MYCBP2: variants seen among roughly 807,000 people sequenced by gnomAD.
MYCBP2 encodes the protein MYC binding protein 2.
In MYCBP2, 120 loss-of-function variants were observed where a neutral mutation model predicts 525.3. The observed-to-expected ratio is 0.23, with a 90% CI of 0.20 to 0.27. The LOEUF is 0.27. Among genes scored for constraint, MYCBP2 ranks in the 10% least tolerant of loss-of-function variants. The pLI is 1.00. For synonymous variants in MYCBP2, 1,894 were observed against 1,955.8 expected (o/e 0.97, Z 0.83); for missense variants, 4,149 against 5,657.1 (o/e 0.73, Z 8.55).
At chr13:77,138,648 A>C (rs903285984) in intron 52 of MYCBP2, among the ~76,000 whole-genome samples, 1 of 152,154 alleles carries the variant, frequency 6.6e-6, no homozygotes, top group Non-Finnish European at 1.5e-5. Context: ...TATACTCAAC[A>C]AGGAGGTACA....
intron 68 of MYCBP2, among the ~76,000 whole-genome samples, chr13:77,073,999 A>ACCCC (rs1555308432): frequency 6.5e-5 from 6 of 91,698 alleles, no homozygotes; most frequent in African/African-American, 2.3e-4. Context: ...TTCCATCCCC[A>ACCCC]CCGCCCCCCC....
rs1194864541 is a variant in MYCBP2, at chr13:77,185,356, T to C, written c.4466A>G (p.Glu1489Gly). The C allele has an allele frequency of 3.1e-6, 5 of 1,612,074 alleles. No homozygotes were observed. The highest frequency in any genetic ancestry group is 4.2e-6 in the Non-Finnish European group (5 of 1,178,646). ...PVSATGKAVV[E>G]ETSKLAECIG... ...ACACTCTGCTAATTTGCTAGTTTCT[T>C]CTACAACTGCTTTTCCTGTAGCTTT... is the stretch of plus-strand genomic sequence containing the variant. The change falls in exon 32 of 83, where the codon GAA becomes GGA. Residue 1489 changes from glutamate to glycine, a missense_variant. Glu to Gly is a moderately conservative substitution (Grantham distance 98). This residue lies in a region of MYCBP2 where 292 missense variants were observed against 330.5 expected (regional missense o/e 0.88). Transcript: ENST00000544440.
chr13:77,302,216 T>C (rs2078881970), intron 1 of MYCBP2, among the ~76,000 whole-genome samples: 1 of 152,132 alleles, frequency 6.6e-6, no homozygotes, highest in Non-Finnish European at 1.5e-5. Context: ...CAGGGAACTT[T>C]AAGCAGGAAA....
At chr13:77,247,010 A>C (rs1305941228) in intron 15 of MYCBP2, among the ~76,000 whole-genome samples, 2 of 152,220 alleles carry the variant, frequency 1.3e-5, no homozygotes, top group East Asian at 3.8e-4. Flanking sequence ...AGTGAACATC[A>C]TAATGGTGAG....
intron 82 of MYCBP2, 74 bp from the exon 83 acceptor site, chr13:77,045,567 A>C (rs886508822): frequency 2.9e-5 from 25 of 854,464 alleles, no homozygotes; most frequent in Non-Finnish European, 4.4e-5. Flanking sequence ...CAGAAATATA[A>C]ATCACTGATA....
intron 52 of MYCBP2, chr13:77,129,703 G>A (rs2044811665): frequency 6.6e-6 from 1 of 151,260 alleles, no homozygotes; most frequent in Non-Finnish European, 1.5e-5. Flanking sequence ...ACTTTTTGAA[G>A]TACAAAAATA....
chr13:77,057,540 T>C (rs1266138674), intron 78 of MYCBP2, among the ~76,000 whole-genome samples: 1 of 152,196 alleles, frequency 6.6e-6, no homozygotes, highest in East Asian at 1.9e-4. Flanking sequence ...TATAGAAGTA[T>C]GTATCATTAT....
chr13:77,045,492 A>C lies in MYCBP2; in HGVS notation c.13923T>G (p.Gly4641=). The change falls in exon 83 of 83, where the codon GGT becomes GGG. Residue 4641 remains glycine (G), a splice_region_variant and synonymous_variant. Coordinates refer to ENST00000544440, the MANE Select transcript of MYCBP2 (RefSeq NM_015057.5). The stretch of plus-strand genomic sequence containing the variant: ...TTCCTTCTAACTGCTTGCCTTTGGG[A>C]CCTGTATAAATTTGAAGGAGGCAAA... ...PKEELPHCPA[G]PKGKQLEGTE... The C allele has an allele frequency of 6.2e-7, 1 of 1,608,720 alleles. No homozygotes were observed. Among genetic ancestry groups the C allele is most frequent in the Non-Finnish European group, 8.5e-7 (1 of 1,175,498 alleles).
At chr13:77,085,036 T>C (rs2043990610) in intron 62 of MYCBP2, among the ~76,000 whole-genome samples, 1 of 151,982 alleles carries the variant, frequency 6.6e-6, no homozygotes, top group South Asian at 2.1e-4. Context: ...TGAACAATTG[T>C]TTTAAATATT....
intron 69 of MYCBP2, among the ~76,000 whole-genome samples, chr13:77,070,021 T>C (rs1180181558): frequency 6.6e-6 from 1 of 152,188 alleles, no homozygotes; most frequent in African/African-American, 2.4e-5. Flanking sequence ...AACACTGGTA[T>C]AGTTAACACT....
At chr13:77,155,732 TC>T (rs1017004029) in intron 46 of MYCBP2, among the ~76,000 whole-genome samples, 4 of 152,186 alleles carry the variant, frequency 2.6e-5, no homozygotes, top group African/African-American at 9.7e-5. Flanking sequence ...AAAAATGTAT[TC>T]TTTCATGCAT....
chr13:77,201,834 T>C (rs1253686828), intron 26 of MYCBP2, among the ~76,000 whole-genome samples: 1 of 152,154 alleles, frequency 6.6e-6, no homozygotes, highest in Non-Finnish European at 1.5e-5. Context: ...AAAGATGTTC[T>C]TTGAAACCAA....
chr13:77,061,848 C>T (rs1240026106), intron 74 of MYCBP2, 58 bp from the exon 75 acceptor site: 1 of 1,441,696 alleles, frequency 6.9e-7, no homozygotes, highest in Non-Finnish European at 9.3e-7. Context: ...GACTCTCATA[C>T]AAATTGAATA....
intron 55 of MYCBP2, among the ~76,000 whole-genome samples, chr13:77,103,857 C>T (rs887595080): frequency 6.6e-6 from 1 of 151,782 alleles, no homozygotes; most frequent in Non-Finnish European, 1.5e-5. Context: ...TAGTACTAAC[C>T]CCAGTATTTA....
intron 26 of MYCBP2, among the ~76,000 whole-genome samples, chr13:77,202,500 T>C (rs1381450725): frequency 6.6e-6 from 1 of 152,052 alleles, no homozygotes; most frequent in Non-Finnish European, 1.5e-5. Context: ...TCTGAAACTA[T>C]TCCAATCAAT....
At chr13:77,313,876 T>A (rs542535967) in intron 1 of MYCBP2, among the ~76,000 whole-genome samples, 1 of 151,420 alleles carries the variant, frequency 6.6e-6, no homozygotes, top group Non-Finnish European at 1.5e-5. Flanking sequence ...CCGAACAAGA[T>A]ATATAGATGG....
chr13:77,224,679 G>A, intron 19 of MYCBP2, 147 bp from the exon 20 acceptor site: 1 of 500,856 alleles, frequency 2.0e-6, no homozygotes, highest in African/African-American at 2.0e-5. Context: ...TGTATTTAAT[G>A]AGAAATTAAT....
chr13:77,311,628 T>A, intron 1 of MYCBP2, among the ~76,000 whole-genome samples: 1 of 141,638 alleles, frequency 7.1e-6, no homozygotes, highest in Non-Finnish European at 1.5e-5. Context: ...AAATAAACAA[T>A]ACATAAAAAG....
chr13:77,139,560 C>T (rs1237247598), intron 51 of MYCBP2, among the ~76,000 whole-genome samples: 1 of 152,104 alleles, frequency 6.6e-6, no homozygotes, highest in Non-Finnish European at 1.5e-5. Context: ...AACAATTTCA[C>T]TTAGGAATAA....
Sources: allele counts gnomAD v4.1 joint callset (sites outside exome capture counted in the v4.1 genomes callset), GRCh38; gene constraint gnomAD v4.1.1; regional missense constraint gnomAD v4.1.1; transcripts MANE v1.5; gene names NCBI Gene and HGNC (gene_info 2026-07-23, HGNC 2026-07-21).